The following GRID1 variants were observed in gnomAD, a reference collection of about 807,000 sequenced individuals.
GRID1 encodes glutamate ionotropic receptor delta type subunit 1, also known as glutamate receptor ionotropic, delta-1.
Under a neutral mutation model 98.0 loss-of-function variants are expected in GRID1, and 28 were observed. That is an observed-to-expected ratio of 0.29 (90% confidence interval 0.21 to 0.39). The LOEUF is 0.39. GRID1 is among the 10% of genes least tolerant of loss of function. The pLI, the probability that GRID1 is intolerant of heterozygous loss-of-function variation, is 1.00. For missense variants in GRID1, 1,111 were observed against 1,340.5 expected, an observed-to-expected ratio of 0.83 and a Z score of 2.67; for synonymous variants, 553 against 538.5, an observed-to-expected ratio of 1.03 and a Z score of -0.37.
intron 4 of GRID1, among the ~76,000 whole-genome samples, chr10:85,959,620 G>A (rs1341642051): frequency 1.4e-5 from 2 of 143,482 alleles, no homozygotes; most frequent in African/African-American, 5.2e-5. Context: ...GACATAAAAT[G>A]ATACATAAGG....
intron 8 of GRID1, among the ~76,000 whole-genome samples, chr10:85,853,193 C>T (rs1475308644): frequency 6.6e-6 from 1 of 152,154 alleles, no homozygotes; most frequent in African/African-American, 2.4e-5. Flanking sequence ...CCAGTCCACA[C>T]ATGCATCTTT....
At chr10:86,061,994 C>T (rs1843655353) in intron 4 of GRID1, among the ~76,000 whole-genome samples, 1 of 152,108 alleles carries the variant, frequency 6.6e-6, no homozygotes, top group Admixed American at 6.5e-5. Flanking sequence ...CCTTAGACAC[C>T]CCTATGGACA....
chr10:86,342,511 C>T (rs1398234451), intron 2 of GRID1, among the ~76,000 whole-genome samples: 2 of 152,236 alleles, frequency 1.3e-5, no homozygotes, highest in African/African-American at 4.8e-5. Context: ...CTGGGATAGC[C>T]CAACCCAGTT....
intron 3 of GRID1, among the ~76,000 whole-genome samples, chr10:86,172,724 C>T (rs747089424): frequency 9.2e-5 from 14 of 152,168 alleles, no homozygotes; most frequent in Non-Finnish European, 2.1e-4. Flanking sequence ...GCTCCTCTCT[C>T]TAGCCGGCAA....
At chr10:85,655,987 C>CAA (rs538253251) in intron 12 of GRID1, among the ~76,000 whole-genome samples, 2 of 143,750 alleles carry the variant, frequency 1.4e-5, no homozygotes, top group African/African-American at 2.5e-5. Context: ...TTCTCTCTCT[C>CAA]AAAAAAAAAA....
chr10:85,780,427 C>T (rs971878821), intron 8 of GRID1, among the ~76,000 whole-genome samples: 2 of 152,138 alleles, frequency 1.3e-5, no homozygotes, highest in Non-Finnish European at 2.9e-5. Flanking sequence ...TTACAGAGAG[C>T]CCTGTTTCTC....
At chr10:86,069,865 G>T (rs1718721615) in intron 4 of GRID1, among the ~76,000 whole-genome samples, 1 of 151,936 alleles carries the variant, frequency 6.6e-6, no homozygotes, top group African/African-American at 2.4e-5. Context: ...ATCATTCCTG[G>T]TGCAGAAGAC....
chr10:85,843,542 T>C lies in GRID1; in HGVS notation c.1233+10954A>G, dbSNP rs113980750. On this transcript the variant is annotated intron_variant, in intron 8 of 15. Coordinates refer to ENST00000327946, the MANE Select transcript of GRID1 (RefSeq NM_017551.3). ...AAATGATTGCAAACTATATATCCAA[T>C]AAGAGACTAGTATCTAGAATATATA... 4.4e-3 allele frequency among the ~76,000 whole-genome samples: 676 copies of C among 152,098 alleles called. 2 individuals are homozygous for C. Among genetic ancestry groups the C allele is most frequent in the African/African-American group, 0.015 (629 of 41,514 alleles).
At chr10:85,682,809 G>A (rs1456631420) in intron 12 of GRID1, among the ~76,000 whole-genome samples, 1 of 152,198 alleles carries the variant, frequency 6.6e-6, no homozygotes, top group Non-Finnish European at 1.5e-5. Context: ...GTGCAGCCAA[G>A]CTCCTGGAAT....
At chr10:85,808,862 C>T (rs1842644655) in intron 8 of GRID1, among the ~76,000 whole-genome samples, 1 of 151,928 alleles carries the variant, frequency 6.6e-6, no homozygotes, top group African/African-American at 2.4e-5. Context: ...CAGAAAATGA[C>T]TGATAATCAA....
At chr10:86,054,385 C>T (rs991060406) in intron 4 of GRID1, among the ~76,000 whole-genome samples, 1 of 152,122 alleles carries the variant, frequency 6.6e-6, no homozygotes, top group African/African-American at 2.4e-5. Flanking sequence ...ATATGCTGAC[C>T]CTCTTCTCTC....
rs75450023 is a variant in GRID1 at position 85,893,279 on chromosome 10, A to G, written c.780+22907T>C. On this transcript the variant is annotated intron_variant, in intron 5 of 15. Transcript: ENST00000327946. ...CAATCAACCTACATCTAACATCATC[A>G]TTAATGATAAAAGGCTGAATTTTTT... Among the ~76,000 whole-genome samples the G allele has an allele frequency of 4.5e-3, 689 of 152,280 alleles. 5 individuals are homozygous for G. The highest frequency in any genetic ancestry group is 0.016 in the African/African-American group (650 of 41,558).
chr10:85,821,539 A>AAAAAAAAAAAAAACAAAC (rs770693495), intron 8 of GRID1, among the ~76,000 whole-genome samples: 7 of 97,584 alleles, frequency 7.2e-5, no homozygotes, highest in Non-Finnish European at 8.8e-5. Context: ...AAAAAAAAAA[A>AAAAAAAAAAAAAACAAAC]AAAAAAGAAA....
chr10:86,163,411 T>C (rs1251461178), intron 3 of GRID1, among the ~76,000 whole-genome samples: 1 of 150,568 alleles, frequency 6.6e-6, no homozygotes, highest in Non-Finnish European at 1.5e-5. Context: ...CGCATTTCTT[T>C]TTTTTTTTTT....
chr10:86,337,811 G>A (rs1475340754), intron 2 of GRID1, among the ~76,000 whole-genome samples: 3 of 142,970 alleles, frequency 2.1e-5, no homozygotes, highest in African/African-American at 5.2e-5. Flanking sequence ...AGGTTCAAGT[G>A]ATTCTCCTGC....
chr10:85,716,327 C>T (rs1039152916), intron 12 of GRID1, among the ~76,000 whole-genome samples: 14 of 152,022 alleles, frequency 9.2e-5, no homozygotes, highest in Admixed American at 7.9e-4. Flanking sequence ...AAACAAACAC[C>T]GCATGTTCTC....
intron 2 of GRID1, among the ~76,000 whole-genome samples, chr10:86,261,668 C>T (rs182280853): frequency 4.6e-5 from 7 of 152,268 alleles, no homozygotes; most frequent in South Asian, 2.1e-4. Context: ...GAAAAGGCAG[C>T]GCAAGACAGA....
chr10:85,997,525 C>T (rs965591669), intron 4 of GRID1, among the ~76,000 whole-genome samples: 3 of 151,924 alleles, frequency 2.0e-5, no homozygotes, highest in Admixed American at 6.6e-5. Context: ...ACTATAAAAA[C>T]GTAAGTATGC....
intron 2 of GRID1, among the ~76,000 whole-genome samples, chr10:86,296,284 T>TA (rs35906053): frequency 0.16 from 24,666 of 152,200 alleles, 2,109 homozygotes; most frequent in South Asian, 0.23. Context: ...TCACTGTGGT[T>TA]ATAGCTGTGC....
Sources: allele counts gnomAD v4.1 joint callset (sites outside exome capture counted in the v4.1 genomes callset), GRCh38; gene constraint gnomAD v4.1.1; transcripts MANE v1.5; gene names NCBI Gene and HGNC (gene_info 2026-07-23, HGNC 2026-07-21).